The following FHIT variants were observed in gnomAD, a reference collection of about 807,000 sequenced individuals.
FHIT encodes bis(5'-adenosyl)-triphosphatase.
A neutral mutation model predicts 17.9 loss-of-function variants in FHIT; 19 were observed. That is an observed-to-expected ratio of 1.06 (90% CI 0.74 to 1.56). The LOEUF is 1.56. FHIT is among the 40% of genes most tolerant of loss of function. The probability of loss-of-function intolerance (pLI) is 0.00; values close to 1 mark genes in which losing one functional copy is unlikely to be tolerated. For synonymous variants in FHIT, 81 were observed against 69.7 expected (o/e 1.16, Z -0.81); for missense variants, 248 against 189.2 (o/e 1.31, Z -1.82).
At chr3:60,143,485 AG>A (rs1258330815) in intron 5 of FHIT, among the ~76,000 whole-genome samples, 1 of 152,114 alleles carries the variant, frequency 6.6e-6, no homozygotes, top group Admixed American at 6.5e-5. Context: ...AAAAACACAA[AG>A]CAGTATGGAG....
chr3:60,878,854 G>A (rs1288261812), intron 3 of FHIT, among the ~76,000 whole-genome samples: 1 of 152,154 alleles, frequency 6.6e-6, no homozygotes, highest in Non-Finnish European at 1.5e-5. Context: ...ATTCCATGGT[G>A]TATATGTGTC....
At chr3:61,193,700 C>G (rs1411296056) in intron 2 of FHIT, among the ~76,000 whole-genome samples, 1 of 152,220 alleles carries the variant, frequency 6.6e-6, no homozygotes, top group Non-Finnish European at 1.5e-5. Flanking sequence ...AGAGTGCACA[C>G]TCAGTTTGTA....
At chr3:60,459,725 A>G (rs1215706281) in intron 5 of FHIT, among the ~76,000 whole-genome samples, 5 of 152,234 alleles carry the variant, frequency 3.3e-5, no homozygotes, top group Non-Finnish European at 7.3e-5. Context: ...TAGGCTGAGC[A>G]TGAACAAATT....
At chr3:61,153,440 A>G (rs961961968) in intron 2 of FHIT, among the ~76,000 whole-genome samples, 1 of 152,130 alleles carries the variant, frequency 6.6e-6, no homozygotes, top group Non-Finnish European at 1.5e-5. Flanking sequence ...TAAACAAATG[A>G]CTGATGATAG....
intron 5 of FHIT, among the ~76,000 whole-genome samples, chr3:60,152,472 G>A (rs1368748896): frequency 2.0e-5 from 3 of 152,214 alleles, no homozygotes; most frequent in African/African-American, 7.2e-5. Flanking sequence ...AAGGTCAAGA[G>A]ATCAGGGTAT....
chr3:60,454,009 T>C (rs767119942), intron 5 of FHIT, among the ~76,000 whole-genome samples: 3 of 152,126 alleles, frequency 2.0e-5, no homozygotes, highest in Non-Finnish European at 2.9e-5. Context: ...AGATGCCATG[T>C]TCATTTAAAT....
At chr3:60,779,063 T>C (rs1553725124) in intron 4 of FHIT, among the ~76,000 whole-genome samples, 2 of 152,184 alleles carry the variant, frequency 1.3e-5, no homozygotes, top group Non-Finnish European at 2.9e-5. Context: ...TGATTCCTTG[T>C]GGAAAACATT....
intron 5 of FHIT, among the ~76,000 whole-genome samples, chr3:60,034,748 A>T (rs979157210): frequency 2.0e-5 from 3 of 152,198 alleles, no homozygotes; most frequent in Admixed American, 2.0e-4. Context: ...TCTATTCAAC[A>T]TTGACATTTA....
At chr3:60,433,056 A>G (rs1559908720) in intron 5 of FHIT, among the ~76,000 whole-genome samples, 1 of 152,006 alleles carries the variant, frequency 6.6e-6, no homozygotes, top group African/African-American at 2.4e-5. Context: ...AACAAACTTT[A>G]TATCTGTCAG....
chr3:60,723,053 A>T (rs1261575686), intron 4 of FHIT, among the ~76,000 whole-genome samples: 1 of 152,116 alleles, frequency 6.6e-6, no homozygotes, highest in African/African-American at 2.4e-5. Context: ...GTTTCTGGGC[A>T]TCGGGAGGAA....
intron 3 of FHIT, among the ~76,000 whole-genome samples, chr3:60,924,495 G>A (rs537863070): frequency 1.3e-5 from 2 of 152,294 alleles, no homozygotes; most frequent in East Asian, 3.9e-4. Context: ...GCAGCTGAGA[G>A]TCCTGACTGT....
At chr3:60,515,254 T>A (rs1015383408) in intron 5 of FHIT, among the ~76,000 whole-genome samples, 1 of 152,164 alleles carries the variant, frequency 6.6e-6, no homozygotes, top group African/African-American at 2.4e-5. Context: ...GCAGGAAGGC[T>A]GCAGAGCTCG....
intron 5 of FHIT, among the ~76,000 whole-genome samples, chr3:60,401,513 T>C (rs186991350): frequency 2.9e-4 from 44 of 152,232 alleles, no homozygotes; most frequent in Admixed American, 2.7e-3. Flanking sequence ...ACAACTCCCA[T>C]TGTGACCCCT....
chr3:59,848,212 C>T (rs1701793527), intron 8 of FHIT, among the ~76,000 whole-genome samples: 1 of 152,136 alleles, frequency 6.6e-6, no homozygotes, highest in African/African-American at 2.4e-5. Flanking sequence ...TATTACTGTG[C>T]TAAGAACTGA....
At chr3:60,036,913 T>C (rs1235879717) in intron 5 of FHIT, among the ~76,000 whole-genome samples, 1 of 152,216 alleles carries the variant, frequency 6.6e-6, no homozygotes, top group Admixed American at 6.5e-5. Flanking sequence ...CATTAGGAAA[T>C]ATCAGTGTAG....
chr3:59,904,899 C>T (rs1449755197), intron 8 of FHIT, among the ~76,000 whole-genome samples: 1 of 152,124 alleles, frequency 6.6e-6, no homozygotes, highest in Non-Finnish European at 1.5e-5. Context: ...AAGTCTAAAG[C>T]AAAGACACCA....
intron 8 of FHIT, among the ~76,000 whole-genome samples, chr3:59,857,422 C>T (rs562657879): frequency 1.4e-4 from 22 of 152,200 alleles, no homozygotes; most frequent in African/African-American, 5.1e-4. Context: ...TACCACGTTC[C>T]TGACATATAA....
At chr3:61,064,892 CT>C (rs2034548927) in intron 2 of FHIT, among the ~76,000 whole-genome samples, 1 of 152,188 alleles carries the variant, frequency 6.6e-6, no homozygotes, top group South Asian at 2.1e-4. Context: ...AAGTCTAACA[CT>C]TCCATCCAGC....
At chr3:60,377,733 G>A (rs1295832623) in intron 5 of FHIT, among the ~76,000 whole-genome samples, 3 of 144,034 alleles carry the variant, frequency 2.1e-5, no homozygotes, top group East Asian at 4.3e-4. Flanking sequence ...CACCCGCCTC[G>A]GCCTCCCAAA....
Sources: allele counts gnomAD v4.1 joint callset (sites outside exome capture counted in the v4.1 genomes callset), GRCh38; gene constraint gnomAD v4.1.1; transcripts MANE v1.5; gene names NCBI Gene and HGNC (gene_info 2026-07-23, HGNC 2026-07-21).